The following GLYATL2 variants were observed in gnomAD, a reference collection of about 807,000 sequenced individuals.
The protein encoded by GLYATL2 is glycine-N-acyltransferase like 2.
GLYATL2 carries 25 observed loss-of-function variants against 21.4 expected under a neutral mutation model. The ratio of observed to expected loss-of-function variants is 1.17; its 90% CI spans 0.85 to 1.63. The LOEUF (loss-of-function observed/expected upper bound fraction) is 1.63, where lower values mean the gene tolerates loss of function less well. Among genes scored for constraint, GLYATL2 ranks in the 40% most tolerant of loss-of-function variants. The pLI, the probability that GLYATL2 is intolerant of heterozygous loss-of-function variation, is 0.00. For synonymous variants in GLYATL2, 114 were observed against 118.2 expected, an observed-to-expected ratio of 0.96 and a Z score of 0.23; for missense variants, 361 against 343.3, an observed-to-expected ratio of 1.05 and a Z score of -0.41.
At chr11:58,889,846 T>C (rs1408540315) in intron 1 of GLYATL2, among the ~76,000 whole-genome samples, 3 of 152,198 alleles carry the variant, frequency 2.0e-5, no homozygotes, top group African/African-American at 7.2e-5. Context: ...CATTAGGAGC[T>C]TTTCATCTGT....
intron 1 of GLYATL2, among the ~76,000 whole-genome samples, chr11:58,851,903 A>G (rs553042281): frequency 7.4e-4 from 113 of 152,318 alleles, no homozygotes; most frequent in African/African-American, 2.7e-3. Context: ...ATGATAGCCT[A>G]CTGAGACGAG....
At chr11:58,837,567 G>A (rs1853461884) in intron 3 of GLYATL2, among the ~76,000 whole-genome samples, 170 bp from the exon 4 acceptor site, 1 of 152,220 alleles carries the variant, frequency 6.6e-6, no homozygotes, top group South Asian at 2.1e-4. Flanking sequence ...TTGATACACT[G>A]AAGATAGTTG....
chr11:58,851,991 C>T (rs478779), intron 1 of GLYATL2, among the ~76,000 whole-genome samples: 135,052 of 152,210 alleles, frequency 0.89, 61,069 homozygotes, highest in Non-Finnish European at 0.98. Flanking sequence ...AGTGAGAAGG[C>T]TGGCATCTGA....
At chr11:58,857,158 C>A (rs678346) in intron 1 of GLYATL2, among the ~76,000 whole-genome samples, 134,984 of 152,142 alleles carry the variant, frequency 0.89, 61,040 homozygotes, top group Non-Finnish European at 0.98. Context: ...AAGGGTTCTC[C>A]TCTCCTCACA....
At chr11:58,860,983 T>C (rs930910160) in intron 1 of GLYATL2, among the ~76,000 whole-genome samples, 1 of 152,082 alleles carries the variant, frequency 6.6e-6, no homozygotes, top group African/African-American at 2.4e-5. Context: ...TGACATGCTG[T>C]TGAGATTAGT....
intron 1 of GLYATL2, among the ~76,000 whole-genome samples, chr11:58,875,965 A>T (rs552913672): frequency 3.0e-4 from 46 of 152,086 alleles, no homozygotes; most frequent in Middle Eastern, 3.4e-3. Flanking sequence ...ATAGTCCCAT[A>T]TTTCTTGGAG....
intron 1 of GLYATL2, among the ~76,000 whole-genome samples, chr11:58,865,999 C>A (rs1281694920): frequency 6.7e-6 from 1 of 148,768 alleles, no homozygotes; most frequent in African/African-American, 2.4e-5. Flanking sequence ...TTCTCGGATG[C>A]CCCCAGCCAA....
upstream of GLYATL2, among the ~76,000 whole-genome samples, chr11:58,847,871 C>A (rs755891887): frequency 9.9e-5 from 15 of 152,140 alleles, no homozygotes; most frequent in South Asian, 2.1e-4. Context: ...TTACAGCAGG[C>A]CTTGGTCAAG....
chr11:58,893,287 TAGGTGAACATG>T (rs1854577730), intron 1 of GLYATL2: 2 of 237,922 alleles, frequency 8.4e-6, no homozygotes, highest in African/African-American at 4.6e-5. Context: ...CAACATAACA[TAGGTGAACATG>T]AGATTCACGA....
chr11:58,885,217 A>ACT (rs1266498504), intron 1 of GLYATL2, among the ~76,000 whole-genome samples: 2 of 152,228 alleles, frequency 1.3e-5, no homozygotes, highest in African/African-American at 4.8e-5. Flanking sequence ...AGTGCACAGT[A>ACT]GCTCTTTGGT....
At chr11:58,881,231 G>C (rs1854328465) in intron 1 of GLYATL2, among the ~76,000 whole-genome samples, 1 of 152,076 alleles carries the variant, frequency 6.6e-6, no homozygotes, top group South Asian at 2.1e-4. Flanking sequence ...CTAATTTCCA[G>C]TTCCAAAGTG....
chr11:58,849,799 T>C (rs371097858), intron 1 of GLYATL2, among the ~76,000 whole-genome samples: 32 of 151,998 alleles, frequency 2.1e-4, no homozygotes, highest in South Asian at 1.5e-3. Flanking sequence ...GGTGGGGGCC[T>C]GGGAGAGGGA....
chr11:58,869,407 A>G (rs1233608296), intron 1 of GLYATL2, among the ~76,000 whole-genome samples: 1 of 152,126 alleles, frequency 6.6e-6, no homozygotes, highest in African/African-American at 2.4e-5. Context: ...GAGTCTGGGG[A>G]GGTTTGGCCT....
chr11:58,895,835 G>T (rs965374269), intron 1 of GLYATL2, among the ~76,000 whole-genome samples: 1 of 151,682 alleles, frequency 6.6e-6, no homozygotes, highest in Non-Finnish European at 1.5e-5. Flanking sequence ...TGGAAGCCAG[G>T]CATATTCAAC....
rs561761460 is a variant in GLYATL2, at chr11:58,882,286, G to A, written n.60+21870C>T. The stretch of plus-strand genomic sequence containing the variant: ...ATGATCACCATTCTAACTGGTGTGA[G>A]ATGGTATCTCGTTGTGGTTTTGATT... On this transcript the variant is annotated intron_variant and non_coding_transcript_variant, in intron 1 of 4. Transcript: ENST00000533636. Among the ~76,000 whole-genome samples the A allele has an allele frequency of 6.6e-5, 10 of 152,328 alleles. No homozygotes were observed. In the South Asian group the frequency reaches 2.1e-3, roughly 32 times the overall value.
chr11:58,871,896 AC>A (rs1349332266), intron 1 of GLYATL2, among the ~76,000 whole-genome samples: 111 of 152,330 alleles, frequency 7.3e-4, no homozygotes, highest in African/African-American at 2.5e-3. Flanking sequence ...TGACAGTCCC[AC>A]CAGCGGTGTA....
At chr11:58,896,923 A>G (rs1854645721) in intron 1 of GLYATL2, among the ~76,000 whole-genome samples, 1 of 152,108 alleles carries the variant, frequency 6.6e-6, no homozygotes, top group Non-Finnish European at 1.5e-5. Context: ...CTCTTTCTCC[A>G]AGGAAGATTC....
At chr11:58,872,826 T>A (rs1359368506) in intron 1 of GLYATL2, among the ~76,000 whole-genome samples, 1 of 152,208 alleles carries the variant, frequency 6.6e-6, no homozygotes, top group Non-Finnish European at 1.5e-5. Context: ...GTGAAGAAAG[T>A]CATTGGTAGC....
chr11:58,880,079 C>T (rs1242176301), intron 1 of GLYATL2, among the ~76,000 whole-genome samples: 3 of 152,158 alleles, frequency 2.0e-5, no homozygotes, highest in East Asian at 1.9e-4. Context: ...AGGATAGTCT[C>T]GATCTCCTGA....
Sources: allele counts gnomAD v4.1 joint callset (sites outside exome capture counted in the v4.1 genomes callset), GRCh38; gene constraint gnomAD v4.1.1; transcripts MANE v1.5; gene names NCBI Gene and HGNC (gene_info 2026-07-23, HGNC 2026-07-21).